RSPO2: variants seen among roughly 807,000 people sequenced by gnomAD.
RSPO2 encodes R-spondin-2.
In RSPO2, 14 loss-of-function variants were observed where a neutral mutation model predicts 30.9. The ratio of observed to expected loss-of-function variants is 0.45; its 90% CI spans 0.30 to 0.71. RSPO2 has a LOEUF of 0.71. Ranked by LOEUF, RSPO2 falls within the 30% of genes least tolerant of loss-of-function variation. The probability of loss-of-function intolerance (pLI) is 0.08; values close to 1 mark genes in which losing one functional copy is unlikely to be tolerated. For missense variants in RSPO2, 264 were observed against 301.9 expected, an observed-to-expected ratio of 0.87 and a Z score of 0.93; for synonymous variants, 107 against 96.4, an observed-to-expected ratio of 1.11 and a Z score of -0.64.
chr8:108,072,319 C>CTTTTTTTTTT (rs34402426), intron 2 of RSPO2, among the ~76,000 whole-genome samples: 2 of 84,274 alleles, frequency 2.4e-5, no homozygotes, highest in Admixed American at 3.1e-4. Context: ...TGGCAGAGAA[C>CTTTTTTTTTT]TTTTTTTTTT....
chr8:108,077,305 G>A (rs1275689934), intron 2 of RSPO2, among the ~76,000 whole-genome samples: 1 of 152,164 alleles, frequency 6.6e-6, no homozygotes, highest in African/African-American at 2.4e-5. Context: ...AAGCAGAAGA[G>A]ATTGGAAAGC....
intron 2 of RSPO2, among the ~76,000 whole-genome samples, chr8:108,041,671 CAG>C (rs1240122885): frequency 6.6e-6 from 1 of 152,014 alleles, no homozygotes; most frequent in Non-Finnish European, 1.5e-5. Context: ...GGGTTGTTAT[CAG>C]AGTGATAAAA....
intron 3 of RSPO2, among the ~76,000 whole-genome samples, chr8:107,967,567 A>G (rs538643543): frequency 2.6e-5 from 4 of 152,302 alleles, no homozygotes; most frequent in East Asian, 3.9e-4. Context: ...TCAGGACTCA[A>G]TGTTTTATAT....
intron 2 of RSPO2, among the ~76,000 whole-genome samples, chr8:108,068,198 G>T (rs907421965): frequency 1.3e-5 from 2 of 152,218 alleles, no homozygotes; most frequent in Non-Finnish European, 1.5e-5. Context: ...AAGTAATAAA[G>T]AGGTGACTCT....
In RSPO2 at chr8:107,901,033, TGCAAAA is replaced by T. The variant is rs1341693818; in HGVS notation, c.*36_*41del. 4 of 1,607,634 alleles carry T rather than the reference TGCAAAA, an allele frequency of 2.5e-6. No homozygotes were observed. In the Admixed American group the frequency reaches 5.1e-5, roughly 21 times the overall value. The stretch of plus-strand genomic sequence containing the variant: ...AGTGGAGAGTAGCTTTGTGCACATT[TGCAAAA>T]ACAAAAACCCCTAAAAATCTACCGG... On this transcript the variant is annotated 3_prime_UTR_variant, in exon 6 of 6. Transcript: ENST00000276659.
At chr8:107,933,431 A>G (rs1421678898) in intron 5 of RSPO2, among the ~76,000 whole-genome samples, 3 of 152,098 alleles carry the variant, frequency 2.0e-5, no homozygotes. Flanking sequence ...TTGGTCTTAA[A>G]TTTATCACCC....
At chr8:107,980,114 G>A (rs1487376901) in intron 3 of RSPO2, among the ~76,000 whole-genome samples, 5 of 152,016 alleles carry the variant, frequency 3.3e-5, no homozygotes, top group Non-Finnish European at 7.4e-5. Context: ...CACACTCTTC[G>A]GAAAATCTGA....
intron 2 of RSPO2, among the ~76,000 whole-genome samples, chr8:108,081,700 T>C (rs987092823): frequency 6.6e-6 from 1 of 151,868 alleles, no homozygotes; most frequent in African/African-American, 2.4e-5. Context: ...CCCGAAACCT[T>C]TCTGGAGGCT....
intron 2 of RSPO2, among the ~76,000 whole-genome samples, chr8:108,039,146 C>G (rs188543989): frequency 2.6e-4 from 40 of 152,252 alleles, no homozygotes; most frequent in Non-Finnish European, 3.7e-4. Flanking sequence ...TTCTCTCTTT[C>G]ACTATGCTCT....
intron 5 of RSPO2, among the ~76,000 whole-genome samples, chr8:107,919,860 T>A (rs1355343461): frequency 6.6e-6 from 1 of 152,048 alleles, no homozygotes. Context: ...GAAATAAAAA[T>A]TATAATAAGA....
chr8:107,906,217 C>A (rs1403447645), intron 5 of RSPO2, among the ~76,000 whole-genome samples: 3 of 151,916 alleles, frequency 2.0e-5, no homozygotes, highest in African/African-American at 7.2e-5. Flanking sequence ...GACAAAGATT[C>A]ATGCACAGGG....
At chr8:107,955,603 T>C (rs986022026) in intron 5 of RSPO2, among the ~76,000 whole-genome samples, 11 of 151,134 alleles carry the variant, frequency 7.3e-5, no homozygotes, top group African/African-American at 2.7e-4. Context: ...ATATAACAGT[T>C]AAGGAAAAAC....
intron 2 of RSPO2, among the ~76,000 whole-genome samples, chr8:108,063,490 C>G (rs974650642): frequency 6.6e-6 from 1 of 151,792 alleles, no homozygotes; most frequent in Non-Finnish European, 1.5e-5. Flanking sequence ...TGAAGGACCT[C>G]TTCAAGGAGA....
chr8:108,067,925 C>T (rs1442952621), intron 2 of RSPO2, among the ~76,000 whole-genome samples: 3 of 152,046 alleles, frequency 2.0e-5, no homozygotes, highest in African/African-American at 7.2e-5. Context: ...AAAAATTAGC[C>T]AGGTGTGGTG....
chr8:108,070,278 C>CTTTTTTTTTTTT (rs1050611219), intron 2 of RSPO2, among the ~76,000 whole-genome samples: 3 of 81,190 alleles, frequency 3.7e-5, no homozygotes, highest in African/African-American at 4.8e-5. Context: ...GACCCCATCT[C>CTTTTTTTTTTTT]TTTTTTTTTT....
Position 108,039,105 on chromosome 8 carries a change from A to G in RSPO2, c.94+43440T>C, listed in dbSNP as rs1811680079. On this transcript the variant is annotated intron_variant, in intron 2 of 5. Transcript: ENST00000276659. ...GACAACAAAACAAACACAAGGCTAG[A>G]TTGAATCATTTTTCCTGACATTTCC... Among the ~76,000 whole-genome samples the G allele has an allele frequency of 2.6e-5, 4 of 152,276 alleles. No individual in the cohort carries two copies. The South Asian group carries it at 8.3e-4, about 32-fold the overall frequency.
chr8:107,989,199 G>A lies in RSPO2; in HGVS notation c.140C>T (p.Ser47Leu), dbSNP rs1814762160. 1.3e-6 allele frequency: 2 copies of A among 1,594,898 alleles called. No homozygotes were observed. Among genetic ancestry groups the A allele is most frequent in the Non-Finnish European group, 1.7e-6 (2 of 1,174,238 alleles). ...ACATCGGCTACACCCATTGTCCTTT[G>A]AACAAGACAAACAACCCTTGCAAAT... ...NPICKGCLSC[S>L]KDNGCSRCQQ... is the part of the protein sequence containing the mutation. Residue 47 changes from serine (S) to leucine (L), a missense_variant, in exon 3 of 6, where the codon TCA becomes TTA. Transcript: ENST00000276659.
At chr8:107,975,259 T>A (rs183378203) in intron 3 of RSPO2, among the ~76,000 whole-genome samples, 323 of 152,350 alleles carry the variant, frequency 2.1e-3, no homozygotes, top group South Asian at 3.9e-3. Flanking sequence ...AATGCCTTCA[T>A]TAAATGTAAA....
intron 2 of RSPO2, among the ~76,000 whole-genome samples, chr8:108,044,162 A>G (rs1811840681): frequency 6.6e-6 from 1 of 151,898 alleles, no homozygotes; most frequent in African/African-American, 2.4e-5. Context: ...TGAAAAAAAA[A>G]AAAGAAAAGC....
Sources: gnomAD v4.1 joint callset for allele counts (sites outside exome capture counted in the v4.1 genomes callset) on GRCh38, gnomAD v4.1.1 for gene constraint, MANE v1.5 for transcripts, NCBI Gene and HGNC (gene_info 2026-07-23, HGNC 2026-07-21) for gene names.